Variants in C12orf76 observed in about 807,000 individuals in gnomAD.
C12orf76 encodes chromosome 12 open reading frame 76.
Under a neutral mutation model 6.8 loss-of-function variants are expected in C12orf76, and 6 were observed. That is an observed-to-expected ratio of 0.88 (90% CI 0.48 to 1.73). The LOEUF (loss-of-function observed/expected upper bound fraction) is 1.73. Ranked by LOEUF, C12orf76 falls within the 40% of genes most tolerant of loss-of-function variation. The pLI is 0.01. For missense variants in C12orf76, 99 were observed against 98.2 expected (o/e 1.01, Z -0.03); for synonymous variants, 56 against 43.7 (o/e 1.28, Z -1.11).
intron 1 of C12orf76, chr12:110,067,427 A>G (rs1305041542): frequency 3.0e-6 from 3 of 985,302 alleles, no homozygotes; most frequent in African/African-American, 3.5e-5. Context: ...GACTTCAGAA[A>G]TCCCTGGAAT....
chr12:110,059,299 T>C (rs1340029961), intron 2 of C12orf76: 2 of 1,087,612 alleles, frequency 1.8e-6, no homozygotes, highest in Non-Finnish European at 2.6e-6. Context: ...ATATATGGGA[T>C]TGTGCCATCT....
upstream of C12orf76, among the ~76,000 whole-genome samples, chr12:110,053,768 A>T (rs1892623700): frequency 6.6e-6 from 1 of 152,136 alleles, no homozygotes; most frequent in Non-Finnish European, 1.5e-5. Flanking sequence ...CAATAAATGG[A>T]TAAATTGTTG....
chr12:110,042,965 A>C (rs2137211211), intron 1 of C12orf76, among the ~76,000 whole-genome samples: 1 of 152,190 alleles, frequency 6.6e-6, no homozygotes, highest in African/African-American at 2.4e-5. Flanking sequence ...TGAGCTACTC[A>C]GCTACTCAGG....
intron 1 of C12orf76, 113 bp from the exon 2 acceptor site, chr12:110,042,572 C>T (rs769925324): frequency 8.1e-6 from 6 of 737,146 alleles, no homozygotes; most frequent in African/African-American, 5.2e-5. Flanking sequence ...ATGTCAAGTG[C>T]TGTGCAAACA....
intron 4 of C12orf76, among the ~76,000 whole-genome samples, chr12:110,055,576 G>A (rs1000761381): frequency 3.9e-5 from 6 of 152,162 alleles, no homozygotes; most frequent in Admixed American, 1.3e-4. Flanking sequence ...AGACAGAGCC[G>A]ATTCATCAAG....
At chr12:110,044,810 T>C (rs1402475322) in intron 1 of C12orf76, among the ~76,000 whole-genome samples, 1 of 151,746 alleles carries the variant, frequency 6.6e-6, no homozygotes, top group Non-Finnish European at 1.5e-5. Context: ...CCTGTCTCTA[T>C]TGAAAATACA....
chr12:110,062,947 AAAGAG>A (rs1016585039), intron 2 of C12orf76, among the ~76,000 whole-genome samples: 6 of 148,636 alleles, frequency 4.0e-5, no homozygotes, highest in Middle Eastern at 3.7e-3. Flanking sequence ...CGGGCTGAAT[AAAGAG>A]ATTTTTTTTT....
chr12:110,073,555 C>A, exon 1 of C12orf76: 1 of 509,116 alleles, frequency 2.0e-6, no homozygotes. Context: ...GTTACAGCCT[C>A]CCTTCCTGCG....
At chr12:110,046,949 C>T (rs946553124) in intron 1 of C12orf76, among the ~76,000 whole-genome samples, 3 of 151,984 alleles carry the variant, frequency 2.0e-5, no homozygotes, top group Admixed American at 6.6e-5. Context: ...TCCAACATGT[C>T]GTAATATCCA....
chr12:110,069,799 A>T (rs1892938888), upstream of C12orf76, among the ~76,000 whole-genome samples: 1 of 152,200 alleles, frequency 6.6e-6, no homozygotes, highest in Non-Finnish European at 1.5e-5. Flanking sequence ...TGTACTAGTT[A>T]TATTATTCTC....
At chr12:110,048,706 C>T (rs1892519237), upstream of C12orf76, 2 of 1,221,786 alleles carry the variant, frequency 1.6e-6, no homozygotes, top group Non-Finnish European at 2.0e-6. Context: ...ACCAACTTTC[C>T]GTTCAGATCA....
exon 2 of C12orf76, chr12:110,065,984 A>G: frequency 6.2e-7 from 1 of 1,612,364 alleles, no homozygotes; most frequent in South Asian, 1.1e-5. Context: ...TCACCTCCAG[A>G]ACTGGGTCAT....
At chr12:110,046,941 C>T (rs569047726) in intron 1 of C12orf76, among the ~76,000 whole-genome samples, 3 of 152,162 alleles carry the variant, frequency 2.0e-5, no homozygotes, top group African/African-American at 7.2e-5. Context: ...ATCATTTATC[C>T]AACATGTCGT....
At chr12:110,045,967 TA>T in intron 1 of C12orf76, 1 of 199,884 alleles carries the variant, frequency 5.0e-6, no homozygotes, top group Middle Eastern at 4.8e-4. Flanking sequence ...TAAAAAATAA[TA>T]ATAAAAATAA....
At chr12:110,058,877 C>T in intron 3 of C12orf76, 1 of 1,256,972 alleles carries the variant, frequency 8.0e-7, no homozygotes, top group Non-Finnish European at 1.1e-6. Flanking sequence ...ATGTGCCAAC[C>T]ACTCTTCTAA....
upstream of C12orf76, among the ~76,000 whole-genome samples, chr12:110,071,276 A>G (rs890500067): frequency 5.9e-5 from 9 of 152,224 alleles, no homozygotes; most frequent in Non-Finnish European, 8.8e-5. Flanking sequence ...AGATGAGGAA[A>G]CCAAGGCTCA....
At position 110,058,933 on chromosome 12, in the gene C12orf76, C is replaced by A. The variant is rs570037113; in HGVS notation, n.556+55G>T. On this transcript the variant is annotated intron_variant and non_coding_transcript_variant, in intron 3 of 4. Transcript: ENST00000309050. ...TTAACTTTTGCAATTCTTACTCCCCCCCACCAAAAAAATGAAAACAAAAAC... is the reference window on the plus strand; with the variant it reads ...TTAACTTTTGCAATTCTTACTCCCCACCACCAAAAAAATGAAAACAAAAAC... 159 of 1,474,018 alleles carry A rather than the reference C, an allele frequency of 1.1e-4. 2 individuals are homozygous for A. The South Asian group carries it at 2.0e-3, about 19-fold the overall frequency. The allele number at this position is 1,474,018 out of a possible 1,614,324, so 91.3% of individuals were successfully genotyped here.
intron 2 of C12orf76, among the ~76,000 whole-genome samples, chr12:110,064,057 G>A (rs536462067): frequency 5.9e-5 from 9 of 152,294 alleles, no homozygotes; most frequent in African/African-American, 1.7e-4. Flanking sequence ...GTAACAAATA[G>A]AAACTCATAC....
chr12:110,058,204 C>T (rs948151716), intron 3 of C12orf76, among the ~76,000 whole-genome samples: 1 of 151,816 alleles, frequency 6.6e-6, no homozygotes. Context: ...ATGTTACAAA[C>T]GTGGCCACAC....
Sources: allele counts gnomAD v4.1 joint callset (sites outside exome capture counted in the v4.1 genomes callset), GRCh38; gene constraint gnomAD v4.1.1; transcripts MANE v1.5; gene names NCBI Gene and HGNC (gene_info 2026-07-23, HGNC 2026-07-21).